The following MEI4 variants were observed in gnomAD, a reference collection of about 807,000 sequenced individuals.
MEI4 encodes the protein meiotic double-stranded break formation protein 4.
A neutral mutation model predicts 31.4 loss-of-function variants in MEI4; 27 were observed. The observed-to-expected ratio is 0.86, with a 90% CI of 0.63 to 1.19. The LOEUF is 1.19. MEI4 is among the 50% of genes most tolerant of loss of function. The pLI is 0.00. For synonymous variants in MEI4, 122 were observed against 145.4 expected (o/e 0.84, Z 1.16); for missense variants, 329 against 398.9 (o/e 0.82, Z 1.49).
intron 4 of MEI4, among the ~76,000 whole-genome samples, chr6:77,868,005 G>C (rs781615470): frequency 1.1e-4 from 16 of 151,682 alleles, no homozygotes; most frequent in Non-Finnish European, 1.9e-4. Flanking sequence ...ACTCATAGGT[G>C]GGAATTGAAC....
intron 3 of MEI4, among the ~76,000 whole-genome samples, chr6:77,773,608 A>G (rs1768368278): frequency 6.6e-6 from 1 of 152,104 alleles, no homozygotes; most frequent in Non-Finnish European, 1.5e-5. Context: ...TGGTCTGGGC[A>G]AAGGTTTCTT....
intron 2 of MEI4, among the ~76,000 whole-genome samples, chr6:77,702,280 G>T (rs1324037388): frequency 6.6e-6 from 1 of 152,158 alleles, no homozygotes; most frequent in Non-Finnish European, 1.5e-5. Flanking sequence ...CAACTGTGGA[G>T]CTCAGCATTT....
intron 3 of MEI4, among the ~76,000 whole-genome samples, chr6:77,784,140 T>C (rs1221994269): frequency 2.0e-5 from 3 of 152,070 alleles, no homozygotes; most frequent in African/African-American, 7.2e-5. Flanking sequence ...GAATGTGAAG[T>C]TTCTAAGTTT....
chr6:77,868,172 A>G (rs1771095931), intron 4 of MEI4, among the ~76,000 whole-genome samples: 1 of 152,000 alleles, frequency 6.6e-6, no homozygotes, highest in South Asian at 2.1e-4. Flanking sequence ...TACATATGTA[A>G]CTAACCTGCA....
At chr6:77,769,609 G>A (rs776356382) in intron 3 of MEI4, among the ~76,000 whole-genome samples, 41 of 152,040 alleles carry the variant, frequency 2.7e-4, no homozygotes, top group African/African-American at 8.7e-4. Context: ...ATCTGCTTGA[G>A]GAAGGTGGAG....
At position 77,923,684 on chromosome 6, in the gene MEI4, A is replaced by G. The variant is rs1198099188; in HGVS notation, c.*338A>G. On this transcript the variant is annotated 3_prime_UTR_variant, in exon 5 of 5. Transcript: ENST00000684080. The stretch of plus-strand genomic sequence containing the variant: ...TATTGAAGTTGTAAAAGATTTCCAT[A>G]TAATTGATGCTAAATGGTAATCAAA... 6.2e-6 allele frequency: 1 copy of G among 160,536 alleles called. No homozygotes were observed. The highest frequency in any genetic ancestry group is 2.4e-5 in the African/African-American group (1 of 41,258). 9.9% of individuals were successfully genotyped at this position (160,536 alleles called of 1,614,324 possible).
chr6:77,852,169 T>C (rs2127718625), intron 4 of MEI4, among the ~76,000 whole-genome samples: 1 of 152,342 alleles, frequency 6.6e-6, no homozygotes, highest in East Asian at 1.9e-4. Context: ...CCTCAGCCTC[T>C]CTGTATCAGA....
At chr6:77,922,051 A>G (rs1450900455) in intron 4 of MEI4, among the ~76,000 whole-genome samples, 1 of 151,792 alleles carries the variant, frequency 6.6e-6, no homozygotes, top group Non-Finnish European at 1.5e-5. Context: ...TCAATTTGAA[A>G]AAATTGCAAT....
Position 77,742,069 on chromosome 6 carries a change from A to T in MEI4, c.233-19061A>T, listed in dbSNP as rs560709063. On this transcript the variant is annotated intron_variant, in intron 2 of 4. Coordinates refer to ENST00000684080, the MANE Select transcript of MEI4 (RefSeq NM_001322247.2). Reference sequence around the variant, plus strand: ...AGTCTTTGCTATTGTGAATAGTGCCACAATAAACATACGTGTGCATGTGTC... The same window carrying T: ...AGTCTTTGCTATTGTGAATAGTGCCTCAATAAACATACGTGTGCATGTGTC... Among the ~76,000 whole-genome samples the T allele has an allele frequency of 1.4e-3, 211 of 152,106 alleles. 1 individual carries two copies. Among genetic ancestry groups the T allele is most frequent in the African/African-American group, 4.4e-3 (184 of 41,482 alleles).
At chr6:77,841,096 G>A (rs965047380) in intron 4 of MEI4, among the ~76,000 whole-genome samples, 5 of 151,756 alleles carry the variant, frequency 3.3e-5, no homozygotes, top group African/African-American at 9.7e-5. Flanking sequence ...AATGCTTAAG[G>A]GGGTAAATAT....
chr6:77,696,846 G>C (rs889508696), intron 2 of MEI4, among the ~76,000 whole-genome samples: 7 of 152,292 alleles, frequency 4.6e-5, no homozygotes, highest in Non-Finnish European at 8.8e-5. Flanking sequence ...AATGGTACCA[G>C]CTCCTCCTAG....
At chr6:77,883,906 C>A (rs1192067671) in intron 4 of MEI4, among the ~76,000 whole-genome samples, 2 of 151,170 alleles carry the variant, frequency 1.3e-5, no homozygotes, top group African/African-American at 4.9e-5. Flanking sequence ...TGCAGGATTT[C>A]ATGGTAGTTG....
At chr6:77,883,111 T>C (rs1205485233) in intron 4 of MEI4, among the ~76,000 whole-genome samples, 2 of 152,146 alleles carry the variant, frequency 1.3e-5, no homozygotes, top group African/African-American at 4.8e-5. Context: ...TTTCTCAGAA[T>C]ACATGGTATT....
At chr6:77,846,828 G>T (rs1297835128) in intron 4 of MEI4, among the ~76,000 whole-genome samples, 3 of 152,162 alleles carry the variant, frequency 2.0e-5, no homozygotes, top group Non-Finnish European at 2.9e-5. Flanking sequence ...GACAGTTCAA[G>T]GGCCTTTGTT....
chr6:77,669,614 A>G (rs1582006727), intron 1 of MEI4, among the ~76,000 whole-genome samples: 1 of 149,994 alleles, frequency 6.7e-6, no homozygotes, highest in African/African-American at 2.4e-5. Context: ...AAGCAGAGAG[A>G]GGGAAACAAA....
At chr6:77,871,125 G>A (rs1029255133) in intron 4 of MEI4, among the ~76,000 whole-genome samples, 3 of 152,050 alleles carry the variant, frequency 2.0e-5, no homozygotes, top group African/African-American at 7.2e-5. Flanking sequence ...ACAGTTGGAG[G>A]TGACTTAGAC....
At chr6:77,883,725 T>G (rs571645228) in intron 4 of MEI4, among the ~76,000 whole-genome samples, 3 of 139,152 alleles carry the variant, frequency 2.2e-5, no homozygotes, top group African/African-American at 8.2e-5. Flanking sequence ...AAGATATATA[T>G]ATATATATAT....
intron 1 of MEI4, among the ~76,000 whole-genome samples, chr6:77,658,315 G>T (rs548262041): frequency 6.6e-6 from 1 of 152,138 alleles, no homozygotes; most frequent in East Asian, 1.9e-4. Context: ...AGTTAGGGTG[G>T]GGCAGGAACA....
At chr6:77,825,235 T>A (rs891925519) in intron 3 of MEI4, among the ~76,000 whole-genome samples, 1 of 152,202 alleles carries the variant, frequency 6.6e-6, no homozygotes, top group African/African-American at 2.4e-5. Context: ...TATGTTCTTC[T>A]TATTATTTAT....
Sources: allele counts gnomAD v4.1 joint callset (sites outside exome capture counted in the v4.1 genomes callset), GRCh38; gene constraint gnomAD v4.1.1; transcripts MANE v1.5; gene names NCBI Gene and HGNC (gene_info 2026-07-23, HGNC 2026-07-21).